SLC13A3: variants seen among roughly 807,000 people sequenced by gnomAD.
SLC13A3 encodes the protein Na(+)/dicarboxylate cotransporter 3.
SLC13A3 carries 40 observed loss-of-function variants against 59.0 expected under a neutral mutation model. The ratio of observed to expected loss-of-function variants is 0.68; its 90% CI spans 0.53 to 0.88. The LOEUF is 0.88. Ranked by LOEUF, SLC13A3 falls within the 40% of genes least tolerant of loss-of-function variation. The pLI is 0.00. For synonymous variants in SLC13A3, 317 were observed against 330.3 expected (o/e 0.96, Z 0.44); for missense variants, 699 against 783.2 (o/e 0.89, Z 1.28).
chr20:46,679,613 C>CAA (rs370410835), intron 1 of SLC13A3, among the ~76,000 whole-genome samples: 1 of 122,628 alleles, frequency 8.2e-6, no homozygotes, highest in African/African-American at 3.0e-5. Flanking sequence ...GACTCCGTCT[C>CAA]AAAAAAAAAA....
At chr20:46,601,025 T>C (rs771663700) in intron 3 of SLC13A3, among the ~76,000 whole-genome samples, 2 of 151,048 alleles carry the variant, frequency 1.3e-5, no homozygotes, top group Non-Finnish European at 2.9e-5. Flanking sequence ...GAACAGCAAG[T>C]GCAAAGGCCC....
chr20:46,592,384 A>G lies in SLC13A3; in HGVS notation c.920+20T>C, dbSNP rs2062268472. On this transcript the variant is annotated intron_variant, in intron 6 of 12. Coordinates refer to ENST00000279027, the MANE Select transcript of SLC13A3 (RefSeq NM_022829.6). ...TTCCCTGCTTCCCCACTCTATTGCCAAAAAGAAAATGAGAGGTACCTGAAG... is the reference window on the plus strand; with the variant it reads ...TTCCCTGCTTCCCCACTCTATTGCCGAAAAGAAAATGAGAGGTACCTGAAG... The G allele has an allele frequency of 6.2e-7, 1 of 1,613,036 alleles. No individual in the cohort carries two copies. The highest frequency in any genetic ancestry group is 8.5e-7 in the Non-Finnish European group (1 of 1,179,404).
chr20:46,673,165 T>C (rs988093920), upstream of SLC13A3, among the ~76,000 whole-genome samples: 2 of 152,218 alleles, frequency 1.3e-5, no homozygotes, highest in African/African-American at 4.8e-5. Context: ...TCTCAGAGAA[T>C]GAAAAGCCAG....
intron 1 of SLC13A3, among the ~76,000 whole-genome samples, chr20:46,679,620 A>G (rs908520507): frequency 3.9e-5 from 6 of 152,040 alleles, no homozygotes; most frequent in Admixed American, 3.3e-4. Flanking sequence ...TCTCAAAAAA[A>G]AAAAGGGGGT....
At chr20:46,586,906 C>T (rs1203666534) in intron 8 of SLC13A3, among the ~76,000 whole-genome samples, 1 of 152,146 alleles carries the variant, frequency 6.6e-6, no homozygotes, top group Non-Finnish European at 1.5e-5. Context: ...ATGAAAGCAG[C>T]CATAGACAAT....
chr20:46,603,990 CAAAA>C (rs532575671), intron 3 of SLC13A3, among the ~76,000 whole-genome samples: 1 of 64,526 alleles, frequency 1.5e-5, no homozygotes. Flanking sequence ...GACGCCATCT[CAAAA>C]AAAAAAAAAA....
At chr20:46,681,131 C>T (rs1038269067) in intron 1 of SLC13A3, among the ~76,000 whole-genome samples, 1 of 152,222 alleles carries the variant, frequency 6.6e-6, no homozygotes, top group Non-Finnish European at 1.5e-5. Context: ...ACCTTGTCAT[C>T]CCTGCAGCTT....
intron 1 of SLC13A3, among the ~76,000 whole-genome samples, chr20:46,640,379 C>A (rs2062836311): frequency 1.3e-5 from 2 of 152,124 alleles, no homozygotes; most frequent in Admixed American, 1.3e-4. Flanking sequence ...TGCTGGCCTC[C>A]CCGGCTCTGC....
intron 11 of SLC13A3, 81 bp from the exon 12 acceptor site, chr20:46,563,632 G>GAGAGAGA: frequency 4.1e-6 from 6 of 1,455,472 alleles, no homozygotes; most frequent in Non-Finnish European, 5.6e-6. Flanking sequence ...GAGAGAGAGA[G>GAGAGAGA]GCAGTTGGAA....
intron 9 of SLC13A3, among the ~76,000 whole-genome samples, chr20:46,576,025 A>G (rs1458576273): frequency 6.6e-6 from 1 of 152,332 alleles, no homozygotes; most frequent in South Asian, 2.1e-4. Context: ...GTACTGGAAC[A>G]TGTACAGAGA....
At chr20:46,578,182 G>A (rs564797415) in intron 9 of SLC13A3, among the ~76,000 whole-genome samples, 7 of 151,376 alleles carry the variant, frequency 4.6e-5, no homozygotes, top group African/African-American at 1.2e-4. Context: ...CGCCCGCCTC[G>A]GCCTCCCAAA....
intron 1 of SLC13A3, among the ~76,000 whole-genome samples, chr20:46,620,595 T>C (rs2062604324): frequency 6.6e-6 from 1 of 152,140 alleles, no homozygotes; most frequent in Non-Finnish European, 1.5e-5. Context: ...AGTTTACAAA[T>C]GGATAATTTG....
At chr20:46,682,413 G>A (rs1480379611) in intron 1 of SLC13A3, 1 of 152,132 alleles carries the variant, frequency 6.6e-6, no homozygotes, top group African/African-American at 2.4e-5. Flanking sequence ...CAGCTTGTTT[G>A]GAGCACTCAC....
chr20:46,569,846 C>T (rs1480626430), intron 10 of SLC13A3, among the ~76,000 whole-genome samples: 2 of 152,174 alleles, frequency 1.3e-5, no homozygotes, highest in Non-Finnish European at 2.9e-5. Context: ...ACCAGGTCCT[C>T]TCTTCTTGGT....
intron 1 of SLC13A3, among the ~76,000 whole-genome samples, chr20:46,614,751 G>A (rs552476090): frequency 6.6e-6 from 1 of 152,318 alleles, no homozygotes; most frequent in South Asian, 2.1e-4. Context: ...TAATGGCTGT[G>A]CAGACCAGGG....
intron 5 of SLC13A3, among the ~76,000 whole-genome samples, chr20:46,593,720 C>T (rs1299257989): frequency 1.3e-5 from 2 of 151,864 alleles, no homozygotes; most frequent in South Asian, 2.1e-4. Context: ...AGCATGTACA[C>T]CCAAAATAAG....
At chr20:46,567,714 T>A (rs528384655) in intron 10 of SLC13A3, among the ~76,000 whole-genome samples, 1 of 152,146 alleles carries the variant, frequency 6.6e-6, no homozygotes, top group Non-Finnish European at 1.5e-5. Context: ...TATTTACCAG[T>A]GTATAACATC....
chr20:46,570,313 ATTAC>A (rs2062019191), intron 10 of SLC13A3, among the ~76,000 whole-genome samples: 1 of 152,244 alleles, frequency 6.6e-6, no homozygotes, highest in African/African-American at 2.4e-5. Context: ...ATTTGTAAAT[ATTAC>A]TTAATCTTCA....
At chr20:46,571,468 C>T (rs550446536) in intron 10 of SLC13A3, among the ~76,000 whole-genome samples, 1 of 152,112 alleles carries the variant, frequency 6.6e-6, no homozygotes, top group Admixed American at 6.5e-5. Flanking sequence ...GTTTGAGCAC[C>T]CAGGGTATAT....
Sources: gnomAD v4.1 joint callset for allele counts (sites outside exome capture counted in the v4.1 genomes callset) on GRCh38, gnomAD v4.1.1 for gene constraint, MANE v1.5 for transcripts, NCBI Gene and HGNC (gene_info 2026-07-23, HGNC 2026-07-21) for gene names.